The following HELQ variants were observed in gnomAD, a reference collection of about 807,000 sequenced individuals.
HELQ encodes helicase, POLQ like.
A neutral mutation model predicts 111.6 loss-of-function variants in HELQ; 77 were observed. The observed-to-expected ratio is 0.69, with a 90% CI of 0.57 to 0.83. The LOEUF (loss-of-function observed/expected upper bound fraction) is 0.83, where lower values mean the gene tolerates loss of function less well. HELQ is among the 40% of genes least tolerant of loss of function. HELQ has a pLI of 0.00. For synonymous variants in HELQ, 438 were observed against 454.7 expected, an observed-to-expected ratio of 0.96 and a Z score of 0.47; for missense variants, 1,200 against 1,288.5, an observed-to-expected ratio of 0.93 and a Z score of 1.05.
chr4:83,448,965 T>C lies in HELQ; in HGVS notation c.1013-4A>G. The stretch of plus-strand genomic sequence containing the variant: ...GTTAAACAAGTATGTTGCCATTCTG[T>C]GGAATTAAAAAAAAAAAGGCATTAT... On this transcript the variant is annotated splice_polypyrimidine_tract_variant and splice_region_variant and intron_variant, in intron 2 of 17. Transcript: ENST00000295488. 1 of 1,494,962 alleles carries C rather than the reference T, an allele frequency of 6.7e-7. No individual in the cohort carries two copies. The highest frequency in any genetic ancestry group is 8.9e-7 in the Non-Finnish European group (1 of 1,128,034). The allele number at this position is 1,494,962 out of a possible 1,614,324, so 92.6% of individuals were successfully genotyped here.
Position 83,455,424 on chromosome 4 carries a change from C to A in HELQ, c.270G>T (p.Met90Ile). 1.2e-6 allele frequency: 2 copies of A among 1,613,928 alleles called. No individual in the cohort carries two copies. Among genetic ancestry groups the A allele is most frequent in the Non-Finnish European group, 1.7e-6 (2 of 1,179,836 alleles). Residue 90 changes from methionine (M) to isoleucine (I), a missense_variant, in exon 1 of 18, where the codon ATG becomes ATT. Physicochemically the swap from Met to Ile is conservative, Grantham distance 10 (BLOSUM62 1). This residue lies in a region of HELQ where 610 missense variants were observed against 607.1 expected (regional missense o/e 1.00). Transcript: ENST00000295488. ...GDTNPDLLRH[M>I]PTDRGVGDQP... ...GGTCTCCCACCCCTCTGTCAGTGGG[C>A]ATGTGACGTAGGAGGTCCGGGTTTG...
chr4:83,447,013 C>G lies in HELQ; in HGVS notation c.1214G>C (p.Gly405Ala). The change falls in exon 4 of 18, where the codon GGT (glycine) becomes GCT (alanine). Residue 405 changes from glycine to alanine, a missense_variant. Around this residue, in one of 3 missense-constraint regions of HELQ, gnomAD observed 610 missense variants for 607.1 expected, o/e 1.00. Coordinates refer to ENST00000295488, the MANE Select transcript of HELQ (RefSeq NM_133636.5). ...QEKISGLSSF[G>A]IELGFFVEEY... The stretch of plus-strand genomic sequence containing the variant: ...TTCAACAAAGAAACCGAGTTCTATA[C>G]CAAAACTTGACAAACCTGAAATCTA... 1.9e-6 allele frequency: 3 copies of G among 1,612,684 alleles called. No individual in the cohort carries two copies. Among genetic ancestry groups the G allele is most frequent in the Non-Finnish European group, 2.5e-6 (3 of 1,178,914 alleles).
intron 15 of HELQ, among the ~76,000 whole-genome samples, chr4:83,418,689 T>C (rs1019637901): frequency 1.3e-5 from 2 of 152,250 alleles, no homozygotes; most frequent in Admixed American, 6.5e-5. Flanking sequence ...TATTTTGTCA[T>C]AGATATTTGC....
rs752502482 is a variant in HELQ, at chr4:83,427,599, T to G, written c.2640A>C (p.Ser880=). ...IYLTTPYDLV[S]QCNPDWMIYF... The stretch of plus-strand genomic sequence containing the variant: ...ATATCATCCAATCAGGGTTACACTG[T>G]GAAACCAGATCATAGGGGGTTGTTA... Residue 880 remains serine, a synonymous_variant, in exon 13 of 18, where the codon TCA becomes TCC. Transcript: ENST00000295488. 1 of 1,600,040 alleles carries G rather than the reference T, an allele frequency of 6.2e-7. No individual in the cohort carries two copies. The highest frequency in any genetic ancestry group is 8.5e-7 in the Non-Finnish European group (1 of 1,174,832).
chr4:83,455,215 CG>C, intron 1 of HELQ, 181 bp downstream of exon 1: 2 of 1,298,418 alleles, frequency 1.5e-6, no homozygotes, highest in Non-Finnish European at 2.1e-6. Flanking sequence ...TTTTATGTCT[CG>C]GGGTTTACAT....
At position 83,407,566 on chromosome 4, in the gene HELQ, T is replaced by G; in HGVS notation, c.3199-6A>C. On this transcript the variant is annotated splice_polypyrimidine_tract_variant and splice_region_variant and intron_variant, in intron 17 of 17. Coordinates refer to ENST00000295488, the MANE Select transcript of HELQ (RefSeq NM_133636.5). ...GCTTTTTCATGCAACAGCATCTACA[T>G]TAAAAAATTAAGACGTGAGGCCAAA... The G allele has an allele frequency of 6.2e-7, 1 of 1,601,100 alleles. No individual in the cohort carries two copies. The highest frequency in any genetic ancestry group is 8.5e-7 in the Non-Finnish European group (1 of 1,172,204).
At position 83,427,577 on chromosome 4, in the gene HELQ, T is replaced by C. The variant is rs766602477; in HGVS notation, c.2662A>G (p.Ile888Val). ...TATATTCTCACCTGCCTGAAGTATA[T>C]CATCCAATCAGGGTTACACTGTGAA... ...LVSQCNPDWMIYFRQFSQLSP... is the reference protein window; with the variant it reads ...LVSQCNPDWMVYFRQFSQLSP... The change falls in exon 13 of 18, where the codon ATA becomes GTA. Residue 888 changes from isoleucine to valine, a missense_variant. Ile to Val is a conservative substitution (Grantham distance 29). Coordinates refer to ENST00000295488, the MANE Select transcript of HELQ (RefSeq NM_133636.5). 3 of 1,560,162 alleles carry C rather than the reference T, an allele frequency of 1.9e-6. No homozygotes were observed. The highest frequency in any genetic ancestry group is 2.4e-5 in the South Asian group (2 of 81,928).
intron 13 of HELQ, 77 bp downstream of exon 13, chr4:83,427,486 C>T: frequency 8.0e-7 from 1 of 1,255,458 alleles, no homozygotes; most frequent in Non-Finnish European, 1.1e-6. Context: ...AAAGCCTCAT[C>T]TCTAAAAAAC....
At chr4:83,414,505 A>G (rs1257481349) in intron 17 of HELQ, among the ~76,000 whole-genome samples, 1 of 152,226 alleles carries the variant, frequency 6.6e-6, no homozygotes, top group Non-Finnish European at 1.5e-5. Flanking sequence ...ACACAGCCAG[A>G]AAGTAAGAAA....
At chr4:83,449,072 G>A (rs1486264402) in intron 2 of HELQ, 111 bp from the exon 3 acceptor site, 3 of 779,846 alleles carry the variant, frequency 3.8e-6, no homozygotes, top group African/African-American at 3.5e-5. Context: ...CCTCTCATAA[G>A]GATAAATTTA....
At chr4:83,424,703 G>T (rs1447966263) in intron 14 of HELQ, among the ~76,000 whole-genome samples, 7 of 152,052 alleles carry the variant, frequency 4.6e-5, no homozygotes, top group African/African-American at 1.7e-4. Flanking sequence ...GATTACAGGT[G>T]CCCACCACCA....
At chr4:83,411,381 G>GT (rs1739088097) in intron 17 of HELQ, among the ~76,000 whole-genome samples, 3 of 151,572 alleles carry the variant, frequency 2.0e-5, no homozygotes, top group African/African-American at 7.3e-5. Context: ...AGGCTGAGGA[G>GT]GGTGGATCAC....
Position 83,453,569 on chromosome 4 carries a change from G to T in HELQ, c.674C>A (p.Ser225Ter). 1 of 1,613,270 alleles carries T rather than the reference G, an allele frequency of 6.2e-7. No individual in the cohort carries two copies. Among genetic ancestry groups the T allele is most frequent in the South Asian group, 1.1e-5 (1 of 90,960 alleles). Residue 225 changes from serine (S) to a stop codon, truncating the protein, a stop_gained, in exon 2 of 18, where the codon TCA (serine) becomes TAA (stop). Transcript: ENST00000295488. LOFTEE classifies it high-confidence loss of function. ...DHSMKERDWK[S>*]SSHNTVNEEL... ...CTCATTCACAGTGTTGTGAGAGGAT[G>T]ACTTCCAATCCCTTTCTTTCATAGA...
At chr4:83,415,388 A>G (rs149298793) in intron 17 of HELQ, among the ~76,000 whole-genome samples, 2,710 of 152,324 alleles carry the variant, frequency 0.018, 73 homozygotes, top group African/African-American at 0.062. Context: ...ACTCTGATGC[A>G]ATGGTAGAAA....
At chr4:83,442,891 A>T (rs1313471306) in intron 6 of HELQ, among the ~76,000 whole-genome samples, 1 of 152,146 alleles carries the variant, frequency 6.6e-6, no homozygotes, top group African/African-American at 2.4e-5. Context: ...CAATTAAAAA[A>T]ATATTTTCTG....
Position 83,455,590 on chromosome 4 carries a change from A to T in HELQ, c.104T>A (p.Val35Glu), listed in dbSNP as rs6831595. ...CTCCTCTTTCCCCTCATCTCCGGGC[A>T]CGAGCTCGGCCGCGGTGGGAGCGCC... ...IFGAPTAAEL[V>E]PGDEGKEEEE... The change falls in exon 1 of 18, where the codon GTG becomes GAG. Residue 35 changes from valine to glutamate, a missense_variant. By Grantham distance (121) the Val-to-Glu change is moderately radical. Transcript: ENST00000295488. 1 allele frequency: 1,614,062 copies of T among 1,614,080 alleles called. 807,022 individuals are homozygous for T. The highest frequency in any genetic ancestry group is 1 in the Middle Eastern group (6,062 of 6,062).
intron 13 of HELQ, among the ~76,000 whole-genome samples, chr4:83,427,268 T>C (rs1719896499): frequency 6.6e-6 from 1 of 152,162 alleles, no homozygotes; most frequent in Non-Finnish European, 1.5e-5. Flanking sequence ...TAAATGCTGT[T>C]GCCAGATTAT....
rs767851774 is a variant in HELQ at position 83,431,666 on chromosome 4, T to G, written c.2293A>C (p.Lys765Gln). 6.6e-7 allele frequency: 1 copy of G among 1,520,702 alleles called. No individual in the cohort carries two copies. The highest frequency in any genetic ancestry group is 1.9e-5 in the Admixed American group (1 of 52,500). The allele number at this position is 1,520,702 out of a possible 1,614,324, so 94.2% of individuals were successfully genotyped here. Residue 765 changes from lysine to glutamine, a missense_variant and splice_region_variant, in exon 11 of 18, where the codon AAG (lysine) becomes CAG (glutamine). Physicochemically the swap from Lys to Gln is moderately conservative, Grantham distance 53 (BLOSUM62 1). This residue lies in a region of HELQ where 585 missense variants were observed against 665.3 expected (regional missense o/e 0.88). Transcript: ENST00000295488. ...QTLFLSLIGL[K>Q]IATNLDDIYH... is the part of the protein sequence containing the mutation. ...GATAAAAAATTTAAGAAAAATACCTTCAAACCAATCAAAGAGAGAAATAAT... is the reference window on the plus strand; with the variant it reads ...GATAAAAAATTTAAGAAAAATACCTGCAAACCAATCAAAGAGAGAAATAAT...
In HELQ at chr4:83,416,851, C is replaced by T. The variant is rs1175458762; in HGVS notation, c.3078G>A (p.Gln1026=). ...VTGVLEGRAK[Q]LYSAGYKSLM... ...GACTTTTGTAACCTGCACTGTATAA[C>T]TGTTTTGCTCGACCCTGAAAAGTGT... The change falls in exon 17 of 18, where the codon CAG becomes CAA. Residue 1026 remains glutamine (Q), a synonymous_variant. Coordinates refer to ENST00000295488, the MANE Select transcript of HELQ (RefSeq NM_133636.5). 2 of 1,605,498 alleles carry T rather than the reference C, an allele frequency of 1.2e-6. No homozygotes were observed. The highest frequency in any genetic ancestry group is 1.7e-6 in the Non-Finnish European group (2 of 1,177,374).
Sources: allele counts gnomAD v4.1 joint callset (sites outside exome capture counted in the v4.1 genomes callset), GRCh38; gene constraint gnomAD v4.1.1; regional missense constraint gnomAD v4.1.1; transcripts MANE v1.5; gene names NCBI Gene and HGNC (gene_info 2026-07-23, HGNC 2026-07-21).